The following PTPRN2 variants were observed in gnomAD, a reference collection of about 807,000 sequenced individuals.
PTPRN2 encodes protein tyrosine phosphatase receptor type N2.
In PTPRN2, 74 loss-of-function variants were observed where a neutral mutation model predicts 118.8. That is an observed-to-expected ratio of 0.62 (90% CI 0.52 to 0.76). The LOEUF is 0.76. Among genes scored for constraint, PTPRN2 ranks in the 30% least tolerant of loss-of-function variants. The pLI, the probability that PTPRN2 is intolerant of heterozygous loss-of-function variation, is 0.00. For synonymous variants in PTPRN2, 641 were observed against 608.0 expected, an observed-to-expected ratio of 1.05 and a Z score of -0.80; for missense variants, 1,481 against 1,394.4, an observed-to-expected ratio of 1.06 and a Z score of -0.99.
intron 1 of PTPRN2, among the ~76,000 whole-genome samples, chr7:158,514,430 G>A (rs1823392425): frequency 6.6e-6 from 1 of 152,170 alleles, no homozygotes; most frequent in Non-Finnish European, 1.5e-5. Context: ...CATGGGCCTG[G>A]CAGGGGTGTT....
intron 12 of PTPRN2, among the ~76,000 whole-genome samples, chr7:157,771,226 G>A (rs991334007): frequency 1.3e-5 from 2 of 152,234 alleles, no homozygotes; most frequent in African/African-American, 4.8e-5. Context: ...GAGCCCTCCA[G>A]CCCCCTTGGA....
At chr7:157,645,539 G>A (rs1323300111) in intron 14 of PTPRN2, among the ~76,000 whole-genome samples, 1 of 152,080 alleles carries the variant, frequency 6.6e-6, no homozygotes, top group Admixed American at 6.5e-5. Context: ...CGTGTAGTCT[G>A]GAGTGGCAAA....
At chr7:157,835,141 C>A (rs760599972) in intron 12 of PTPRN2, among the ~76,000 whole-genome samples, 6 of 152,188 alleles carry the variant, frequency 3.9e-5, no homozygotes, top group African/African-American at 1.4e-4. Flanking sequence ...CAGGCCACAG[C>A]GTCCTGAGCC....
intron 2 of PTPRN2, among the ~76,000 whole-genome samples, chr7:158,441,710 GTGGTGA>G (rs1407868512): frequency 5.1e-4 from 76 of 148,136 alleles, no homozygotes; most frequent in African/African-American, 1.7e-3. Flanking sequence ...GGTGGCAGTG[GTGGTGA>G]TGGTGATAGC....
chr7:157,891,372 C>T (rs1017478976), intron 12 of PTPRN2, among the ~76,000 whole-genome samples: 1 of 152,014 alleles, frequency 6.6e-6, no homozygotes, highest in African/African-American at 2.4e-5. Flanking sequence ...GTTCTGCCCA[C>T]TGCTTGCTCC....
chr7:157,871,271 C>T (rs371073088), intron 12 of PTPRN2, among the ~76,000 whole-genome samples: 9 of 152,286 alleles, frequency 5.9e-5, no homozygotes, highest in Admixed American at 1.3e-4. Flanking sequence ...GGCCCTGCCT[C>T]GGACCCCCTG....
At chr7:157,786,351 G>A (rs748977637) in intron 12 of PTPRN2, among the ~76,000 whole-genome samples, 1 of 152,226 alleles carries the variant, frequency 6.6e-6, no homozygotes, top group Non-Finnish European at 1.5e-5. Flanking sequence ...TATCTGAATT[G>A]TTATAAAGTT....
At chr7:157,608,418 T>C (rs1483861307) in intron 15 of PTPRN2, among the ~76,000 whole-genome samples, 3 of 152,056 alleles carry the variant, frequency 2.0e-5, no homozygotes, top group Non-Finnish European at 2.9e-5. Context: ...CTCCGGGAAA[T>C]GCTTGGAGCC....
At chr7:157,746,940 T>C (rs1800986174) in intron 12 of PTPRN2, among the ~76,000 whole-genome samples, 1 of 150,326 alleles carries the variant, frequency 6.7e-6, no homozygotes, top group Non-Finnish European at 1.5e-5. Context: ...CTCTGGGCTG[T>C]CCGGGTGATT....
At chr7:157,680,948 A>T (rs949650636) in intron 13 of PTPRN2, among the ~76,000 whole-genome samples, 2 of 152,242 alleles carry the variant, frequency 1.3e-5, no homozygotes, top group African/African-American at 4.8e-5. Context: ...GAGGAACAGC[A>T]AAAAGGTCAC....
At chr7:158,105,189 C>T (rs1022489732) in intron 10 of PTPRN2, among the ~76,000 whole-genome samples, 1 of 150,146 alleles carries the variant, frequency 6.7e-6, no homozygotes, top group Admixed American at 6.6e-5. Context: ...TCCACCCTAG[C>T]TTCACCCTCA....
intron 11 of PTPRN2, among the ~76,000 whole-genome samples, chr7:157,970,985 T>C (rs1563285472): frequency 6.6e-6 from 1 of 152,138 alleles, no homozygotes; most frequent in Non-Finnish European, 1.5e-5. Context: ...TGAAATCCCA[T>C]TTACCCAGTA....
Position 158,151,843 on chromosome 7 carries a change from C to T in PTPRN2, c.911-13328G>A, listed in dbSNP as rs1425967171. The stretch of plus-strand genomic sequence containing the variant: ...GAGCAAAGTCCTTGCTTTTGTGTGA[C>T]TTCCATCTATGTTAGAAGGAACAGG... On this transcript the variant is annotated intron_variant, in intron 6 of 22. Transcript: ENST00000389418. 2.0e-5 allele frequency among the ~76,000 whole-genome samples: 3 copies of T among 152,176 alleles called. No homozygotes were observed. The East Asian group carries it at 5.8e-4, about 29-fold the overall frequency.
chr7:157,551,438 C>T (rs1227716488), intron 21 of PTPRN2, among the ~76,000 whole-genome samples: 4 of 151,976 alleles, frequency 2.6e-5, no homozygotes, highest in African/African-American at 9.7e-5. Context: ...AGCTGGGGCT[C>T]ACCCAAAGGA....
chr7:158,563,322 C>T lies in PTPRN2; in HGVS notation c.112+24236G>A, dbSNP rs1019847522. Among the ~76,000 whole-genome samples the T allele has an allele frequency of 6.6e-6, 1 of 152,170 alleles. No individual in the cohort carries two copies. The highest frequency in any genetic ancestry group is 1.5e-5 in the Non-Finnish European group (1 of 68,038). ...ATAGCCTTGTGCTTCTCGTTCAAAG[C>T]AAGAAGTACCCAAGTGGAACGCAGA... On this transcript the variant is annotated intron_variant, in intron 1 of 22. Coordinates refer to ENST00000389418, the MANE Select transcript of PTPRN2 (RefSeq NM_002847.5). This position sits in a 1 kb window ranked among gnomAD's most constrained non-coding sequence, Gnocchi z 5.1.
chr7:158,306,913 C>T (rs2151063122), intron 3 of PTPRN2, among the ~76,000 whole-genome samples: 1 of 138,074 alleles, frequency 7.2e-6, no homozygotes, highest in Middle Eastern at 4.9e-3. Context: ...GTCATCCAGG[C>T]TGGAGTGCAG....
At chr7:158,329,812 C>T (rs1329215984) in intron 2 of PTPRN2, among the ~76,000 whole-genome samples, 1 of 152,122 alleles carries the variant, frequency 6.6e-6, no homozygotes, top group African/African-American at 2.4e-5. Flanking sequence ...CCCACTTCAC[C>T]GCTCGAGGCT....
At chr7:158,256,300 G>A (rs1166879174) in intron 3 of PTPRN2, among the ~76,000 whole-genome samples, 2 of 152,002 alleles carry the variant, frequency 1.3e-5, no homozygotes, top group African/African-American at 4.8e-5. Context: ...TGAGGAAAGT[G>A]GACGTGGCAG....
At chr7:157,688,345 G>A (rs926887577) in intron 12 of PTPRN2, among the ~76,000 whole-genome samples, 1 of 152,234 alleles carries the variant, frequency 6.6e-6, no homozygotes, top group Admixed American at 6.5e-5. Context: ...TGATACTGAT[G>A]TCCAAAGGGG....
Sources: gnomAD v4.1 joint callset for allele counts (sites outside exome capture counted in the v4.1 genomes callset) on GRCh38, gnomAD v4.1.1 for gene constraint, Gnocchi (gnomAD v3.1) non-coding constraint, MANE v1.5 for transcripts, NCBI Gene and HGNC (gene_info 2026-07-23, HGNC 2026-07-21) for gene names.